Variants in CTDNEP1 observed in about 807,000 individuals in gnomAD.
The protein encoded by CTDNEP1 is CTD nuclear envelope phosphatase 1, also known as C-terminal domain nuclear envelope phosphatase 1.
A neutral mutation model predicts 30.1 loss-of-function variants in CTDNEP1; 3 were observed. The ratio of observed to expected loss-of-function variants is 0.10; its 90% CI spans 0.05 to 0.26. CTDNEP1 has a LOEUF of 0.26. CTDNEP1 is among the 10% of genes least tolerant of loss of function. The pLI, the probability that CTDNEP1 is intolerant of heterozygous loss-of-function variation, is 1.00. For missense variants in CTDNEP1, 158 were observed against 310.4 expected (o/e 0.51, Z 3.69); for synonymous variants, 123 against 118.8 (o/e 1.04, Z -0.23).
intron 1 of CTDNEP1, among the ~76,000 whole-genome samples, chr17:7,248,869 G>A (rs2071878323): frequency 6.6e-6 from 1 of 152,174 alleles, no homozygotes; most frequent in Non-Finnish European, 1.5e-5. Context: ...AGGTTGTCAG[G>A]TCAGCTAAGT....
Position 7,251,267 on chromosome 17 carries a change from C to G in CTDNEP1, c.30G>C (p.Leu10=). 1 of 1,596,094 alleles carries G rather than the reference C, an allele frequency of 6.3e-7. No individual in the cohort carries two copies. The highest frequency in any genetic ancestry group is 2.3e-5 in the East Asian group (1 of 42,934). The change falls in exon 1 of 8, where the codon CTG becomes CTC. Residue 10 remains leucine (L), a synonymous_variant. Transcript: ENST00000574322. MMRTQCLLG[L]RTFVAFAAKL... is the part of the protein sequence containing the mutation. ...TGGCGGCGAAGGCCACGAACGTGCG[C>G]AGCCCCAGCAGACACTGCGTCCGCA... is the stretch of plus-strand genomic sequence containing the variant.
At position 7,244,224 on chromosome 17, in the gene CTDNEP1, G is replaced by A. The variant is rs142077609; in HGVS notation, c.696C>T (p.Ser232=). The change falls in exon 8 of 8, where the codon TCC becomes TCT. Residue 232 remains serine, a synonymous_variant. Coordinates refer to ENST00000574322, the MANE Select transcript of CTDNEP1 (RefSeq NM_001143775.2). The part of the protein sequence containing the change: ...DALRFTADVR[S]VLSRNLHQHR... ...GTTGGTGAAGGTTTCGGCTCAGCAC[G>A]GAACGAACATCAGCGGTGAACCTGG... 6.8e-6 allele frequency: 11 copies of A among 1,614,098 alleles called. No homozygotes were observed. The highest frequency in any genetic ancestry group is 3.3e-5 in the Admixed American group (2 of 60,030).
In CTDNEP1 at chr17:7,246,599, G is replaced by A. The variant is rs573201907; in HGVS notation, c.360+192C>T. The A allele has an allele frequency of 2.2e-5, 15 of 667,092 alleles. No homozygotes were observed. Among genetic ancestry groups the A allele is most frequent in the South Asian group, 7.2e-5 (4 of 55,488 alleles). The allele number at this position is 667,092 out of a possible 1,614,324, so 41.3% of individuals were successfully genotyped here. On this transcript the variant is annotated intron_variant, in intron 4 of 7. Transcript: ENST00000574322. The surrounding 1 kb of genome is among the most constrained non-coding windows in gnomAD (Gnocchi z 4.9). ...AAGAACAAAAGAGAAAGATGCCAGCGGAAAAGAATTACATCAGCACAACAA... is the reference window on the plus strand; with the variant it reads ...AAGAACAAAAGAGAAAGATGCCAGCAGAAAAGAATTACATCAGCACAACAA...
At position 7,251,214 on chromosome 17, in the gene CTDNEP1, AG is replaced by A. The variant is rs1376400923; in HGVS notation, c.82del (p.Leu28CysfsTer8). 6.2e-7 allele frequency: 1 copy of A among 1,602,624 alleles called. No homozygotes were observed. The highest frequency in any genetic ancestry group is 2.3e-5 in the East Asian group (1 of 43,934). ...GCTCACCGTGCGGATCTGCCTCCGC[AG>A]AAGGTAAATGAAGAAGCTCCAGAGC... ...AKLWSFFIYL[L>X]RRQIRTVIQY... is the part of the protein sequence containing the mutation. On this transcript the variant is annotated frameshift_variant, in exon 1 of 8. Coordinates refer to ENST00000574322, the MANE Select transcript of CTDNEP1 (RefSeq NM_001143775.2). LOFTEE classifies it high-confidence loss of function.
intron 1 of CTDNEP1, among the ~76,000 whole-genome samples, chr17:7,247,934 T>C (rs1445289453): frequency 6.6e-6 from 1 of 151,988 alleles, no homozygotes; most frequent in African/African-American, 2.4e-5. Context: ...GTATTCCCAG[T>C]GCCTAGAACA....
intron 6 of CTDNEP1, among the ~76,000 whole-genome samples, chr17:7,245,077 G>C (rs908390262): frequency 3.3e-5 from 5 of 152,154 alleles, no homozygotes; most frequent in African/African-American, 1.2e-4. Flanking sequence ...CGAATCACGA[G>C]GTCAGGAATT....
At chr17:7,247,470 CTTTTTT>C (rs763334733) in intron 1 of CTDNEP1, 127 bp from the exon 2 acceptor site, 1 of 546,258 alleles carries the variant, frequency 1.8e-6, no homozygotes, top group Non-Finnish European at 3.2e-6. Context: ...ATTTCTTCTT[CTTTTTT>C]TTTTTTTTTT....
chr17:7,247,472 T>TC, intron 1 of CTDNEP1, 129 bp from the exon 2 acceptor site: 4 of 346,750 alleles, frequency 1.2e-5, no homozygotes, highest in African/African-American at 2.2e-5. Flanking sequence ...TTCTTCTTCT[T>TC]TTTTTTTTTT....
rs1043111261 is a variant in CTDNEP1, at chr17:7,244,327, G to A, written c.675-82C>T. The A allele has an allele frequency of 1.2e-5, 17 of 1,454,572 alleles. No homozygotes were observed. In the African/African-American group the frequency reaches 1.9e-4, roughly 17 times the overall value. 90.1% of individuals were successfully genotyped at this position (1,454,572 alleles called of 1,614,324 possible). ...ACTCTTGTAAGGCAGCATCACTGGA[G>A]ATGTGGGACCTAAATTATCACCATA... On this transcript the variant is annotated intron_variant, in intron 7 of 7. Transcript: ENST00000574322.
chr17:7,246,881 G>A lies in CTDNEP1; in HGVS notation c.289-19C>T. On this transcript the variant is annotated intron_variant, in intron 3 of 7. Coordinates refer to ENST00000574322, the MANE Select transcript of CTDNEP1 (RefSeq NM_001143775.2). The surrounding 1 kb of genome is among the most constrained non-coding windows in gnomAD (Gnocchi z 4.9). ...TTACCACCTACAGAGGAACAAGATG[G>A]GCTGGGGGATGTCATGACCACCACA... 6.2e-7 allele frequency: 1 copy of A among 1,610,070 alleles called. No homozygotes were observed. Among genetic ancestry groups the A allele is most frequent in the Non-Finnish European group, 8.5e-7 (1 of 1,176,468 alleles).
intron 1 of CTDNEP1, among the ~76,000 whole-genome samples, 176 bp downstream of exon 1, chr17:7,251,019 T>C (rs2071912388): frequency 6.6e-6 from 1 of 150,904 alleles, no homozygotes; most frequent in African/African-American, 2.4e-5. Flanking sequence ...ATTACAAGGG[T>C]CTCCCACCTC....
intron 1 of CTDNEP1, among the ~76,000 whole-genome samples, chr17:7,249,125 TC>T (rs1461192503): frequency 6.6e-6 from 1 of 152,206 alleles, no homozygotes; most frequent in Non-Finnish European, 1.5e-5. Flanking sequence ...CACCACCTCA[TC>T]CAGCTCTGCT....
chr17:7,244,465 AG>A lies in CTDNEP1; in HGVS notation c.674+85del, dbSNP rs1597572428. On this transcript the variant is annotated intron_variant, in intron 7 of 7. Transcript: ENST00000574322. ...ATTCTTAAGGGAACAGAGTTAAAAC[AG>A]GACAAACCTTTTTTATTCCCTCTGA... is the stretch of plus-strand genomic sequence containing the variant. The A allele has an allele frequency of 2.3e-5, 32 of 1,373,392 alleles. No individual in the cohort carries two copies. The East Asian group carries it at 7.3e-4, about 31-fold the overall frequency. 85.1% of individuals were successfully genotyped at this position (1,373,392 alleles called of 1,614,324 possible). A position where few individuals can be genotyped will look rare whatever the true frequency, so the allele number is the denominator to read the frequency against.
At chr17:7,245,035 G>A (rs2071818027) in intron 6 of CTDNEP1, among the ~76,000 whole-genome samples, 2 of 152,210 alleles carry the variant, frequency 1.3e-5, no homozygotes. Context: ...GCTTACGCCT[G>A]TAATCCCAGC....
chr17:7,246,460 C>A lies in CTDNEP1; in HGVS notation c.361-90G>T. ...TCTTTCAGAAAGGCAATGGCATAGTCCTTCAGGCCTTCCATCAACATCAAA... is the reference window on the plus strand; with the variant it reads ...TCTTTCAGAAAGGCAATGGCATAGTACTTCAGGCCTTCCATCAACATCAAA... On this transcript the variant is annotated intron_variant, in intron 4 of 7. Coordinates refer to ENST00000574322, the MANE Select transcript of CTDNEP1 (RefSeq NM_001143775.2). This position sits in a 1 kb window ranked among gnomAD's most constrained non-coding sequence, Gnocchi z 4.9. 1 of 912,220 alleles carries A rather than the reference C, an allele frequency of 1.1e-6. No individual in the cohort carries two copies. Among genetic ancestry groups the A allele is most frequent in the South Asian group, 1.4e-5 (1 of 71,426 alleles). 56.5% of individuals were successfully genotyped at this position (912,220 alleles called of 1,614,324 possible).
Position 7,246,996 on chromosome 17 carries a change from G to A in CTDNEP1, c.288+68C>T. On this transcript the variant is annotated intron_variant, in intron 3 of 7. Transcript: ENST00000574322. This position sits in a 1 kb window ranked among gnomAD's most constrained non-coding sequence, Gnocchi z 4.9. ...GATGGAGACAGATGCTCTGGGACTG[G>A]GAAAGGGAGTCCAGGTTTGGGCAGA... 7.0e-7 allele frequency: 1 copy of A among 1,428,354 alleles called. No individual in the cohort carries two copies. Among genetic ancestry groups the A allele is most frequent in the Non-Finnish European group, 9.8e-7 (1 of 1,015,644 alleles). The allele number at this position is 1,428,354 out of a possible 1,614,324, so 88.5% of individuals were successfully genotyped here. A position where few individuals can be genotyped will look rare whatever the true frequency, so the allele number is the denominator to read the frequency against.
intron 2 of CTDNEP1, 43 bp downstream of exon 2, chr17:7,247,234 G>T (rs1567587328): frequency 1.9e-6 from 3 of 1,608,872 alleles, no homozygotes; most frequent in Admixed American, 3.3e-5. Context: ...CCCAGAGCTA[G>T]CCCCTACTTC....
chr17:7,247,287 C>T lies in CTDNEP1; in HGVS notation c.159G>A (p.Arg53=), dbSNP rs943757823. ...CCACCACATACTTACCTAGCCGATT[C>T]CGGGACACAGGAGATAAGGGGAGGA... ...YDILPLSPVS[R]NRLAQVKRKI... Residue 53 remains arginine, a synonymous_variant, in exon 2 of 8, where the codon CGG becomes CGA. Transcript: ENST00000574322. 1 of 1,613,850 alleles carries T rather than the reference C, an allele frequency of 6.2e-7. No individual in the cohort carries two copies. The highest frequency in any genetic ancestry group is 1.3e-5 in the African/African-American group (1 of 74,884).
chr17:7,247,403 T>C (rs2071854609), intron 1 of CTDNEP1, 60 bp from the exon 2 acceptor site: 2 of 1,280,112 alleles, frequency 1.6e-6, no homozygotes, highest in Admixed American at 3.4e-5. Flanking sequence ...CCAGTAACAG[T>C]AACAGGGAGC....
Sources: allele counts gnomAD v4.1 joint callset (sites outside exome capture counted in the v4.1 genomes callset), GRCh38; gene constraint gnomAD v4.1.1; non-coding constraint Gnocchi (gnomAD v3.1); transcripts MANE v1.5; gene names NCBI Gene and HGNC (gene_info 2026-07-23, HGNC 2026-07-21).